The following DRC9 variants were observed in gnomAD, a reference collection of about 807,000 sequenced individuals.
The protein encoded by DRC9 is dynein regulatory complex protein 9.
At chr3:197,954,354 G>A in the DRC9 span, 1 of 612,616 alleles carries the variant, frequency 1.6e-6, no homozygotes, top group Non-Finnish European at 2.9e-6. Context: ...TTTGGGGGGA[G>A]ACAGGGTCTC....
chr3:197,953,631 G>A, the DRC9 span: 1 of 456,228 alleles, frequency 2.2e-6, no homozygotes, highest in Non-Finnish European at 4.4e-6. Context: ...TCACCTCAGT[G>A]AGACCTTCCT....
chr3:197,901,653 C>T, the DRC9 span, among the ~76,000 whole-genome samples: 1 of 152,374 alleles, frequency 6.6e-6, no homozygotes, highest in East Asian at 1.9e-4. The surrounding 1 kb of genome is among the most constrained non-coding windows in gnomAD (Gnocchi z 4.4). Flanking sequence ...ATGTGGAAAG[C>T]AGATGGAAGA....
chr3:197,951,585 T>C, the DRC9 span: 1 of 427,332 alleles, frequency 2.3e-6, no homozygotes, highest in Non-Finnish European at 4.3e-6. Context: ...ACTCCTGACC[T>C]TAGGTGATCC....
At chr3:197,918,356 G>A in the DRC9 span, among the ~76,000 whole-genome samples, 10 of 136,520 alleles carry the variant, frequency 7.3e-5, no homozygotes, top group Non-Finnish European at 9.3e-5. Context: ...TACCTGCCTC[G>A]GCCTCCCAAT....
the DRC9 span, among the ~76,000 whole-genome samples, chr3:197,905,689 G>A: frequency 3.3e-5 from 5 of 152,074 alleles, no homozygotes; most frequent in East Asian, 1.9e-4. Context: ...CGGAGGCTGC[G>A]GTGAGCTGAG....
At chr3:197,910,162 T>C in the DRC9 span, among the ~76,000 whole-genome samples, 1 of 152,168 alleles carries the variant, frequency 6.6e-6, no homozygotes, top group Non-Finnish European at 1.5e-5. Context: ...TAGCTGGACG[T>C]GGTGGTGCAC....
chr3:197,951,319 T>A, the DRC9 span: 2 of 1,613,892 alleles, frequency 1.2e-6, no homozygotes, highest in Non-Finnish European at 1.7e-6. Flanking sequence ...GAAGTAAGTT[T>A]ATGACACTGG....
chr3:197,944,768 A>C, the DRC9 span, among the ~76,000 whole-genome samples: 1 of 148,186 alleles, frequency 6.7e-6, no homozygotes, highest in African/African-American at 2.5e-5. Context: ...TTTAGTAGAG[A>C]TTGGGTTTCT....
the DRC9 span, among the ~76,000 whole-genome samples, chr3:197,919,250 C>T: frequency 2.3e-4 from 35 of 152,184 alleles, no homozygotes. Context: ...TGGCCCTCCA[C>T]GGTGACCGTG....
the DRC9 span, among the ~76,000 whole-genome samples, chr3:197,941,636 C>T: frequency 6.8e-6 from 1 of 147,494 alleles, no homozygotes; most frequent in Non-Finnish European, 1.5e-5. Context: ...CCTTGGCTTG[C>T]TGCAGCCTCA....
the DRC9 span, chr3:197,951,049 C>T: frequency 1.2e-6 from 2 of 1,602,976 alleles, no homozygotes; most frequent in Non-Finnish European, 1.7e-6. Context: ...TTAAAATTGG[C>T]AAGAAAAAAC....
the DRC9 span, among the ~76,000 whole-genome samples, chr3:197,918,606 T>C: frequency 6.6e-6 from 1 of 152,192 alleles, no homozygotes; most frequent in Non-Finnish European, 1.5e-5. Context: ...AGAATCTAAA[T>C]AGTGTTAGAC....
the DRC9 span, chr3:197,956,151 G>A: frequency 3.7e-6 from 1 of 267,416 alleles, no homozygotes; most frequent in Non-Finnish European, 7.4e-6. Context: ...GAGAGGGTCT[G>A]ACTCTTGCCT....
the DRC9 span, chr3:197,892,529 C>A: frequency 1.1e-4 from 159 of 1,394,522 alleles, no homozygotes; most frequent in Non-Finnish European, 1.5e-4. Context: ...CCTTCCACTC[C>A]CTCCTCAGTG....
chr3:197,930,484 T>C, the DRC9 span, among the ~76,000 whole-genome samples: 2 of 152,116 alleles, frequency 1.3e-5, no homozygotes, highest in African/African-American at 4.8e-5. Context: ...ATTACAGGCA[T>C]GATCCCAGCA....
the DRC9 span, among the ~76,000 whole-genome samples, chr3:197,899,695 G>C: frequency 6.6e-6 from 1 of 152,266 alleles, no homozygotes; most frequent in East Asian, 1.9e-4. Flanking sequence ...AAATGCAGCA[G>C]AGGCTGTGCA....
chr3:197,935,110 G>A, the DRC9 span, among the ~76,000 whole-genome samples: 1 of 152,162 alleles, frequency 6.6e-6, no homozygotes, highest in African/African-American at 2.4e-5. Flanking sequence ...TAGCTGGTAT[G>A]GTAAGGAAGT....
chr3:197,904,834 T>G, the DRC9 span, among the ~76,000 whole-genome samples: 5 of 151,970 alleles, frequency 3.3e-5, no homozygotes, highest in African/African-American at 1.2e-4. Flanking sequence ...AGAGCAAGAC[T>G]CCCTCTCAAA....
chr3:197,889,975 C>G, the DRC9 span, among the ~76,000 whole-genome samples: 1 of 152,086 alleles, frequency 6.6e-6, no homozygotes, highest in South Asian at 2.1e-4. Flanking sequence ...TTTTCTTCAC[C>G]CGTAGAAATC....
Sources: allele counts gnomAD v4.1 joint callset (sites outside exome capture counted in the v4.1 genomes callset), GRCh38; gene constraint gnomAD v4.1.1; non-coding constraint Gnocchi (gnomAD v3.1); transcripts MANE v1.5; gene names NCBI Gene and HGNC (gene_info 2026-07-23, HGNC 2026-07-21).